Variants in MINDY3 observed in about 807,000 individuals in gnomAD.
MINDY3 encodes the protein ubiquitin carboxyl-terminal hydrolase MINDY-3.
Under a neutral mutation model 69.2 loss-of-function variants are expected in MINDY3, and 38 were observed. The ratio of observed to expected loss-of-function variants is 0.55; its 90% CI spans 0.42 to 0.72. The LOEUF (loss-of-function observed/expected upper bound fraction) is 0.72. MINDY3 is among the 30% of genes least tolerant of loss of function. The pLI is 0.00. For missense variants in MINDY3, 522 were observed against 519.0 expected (o/e 1.01, Z -0.06); for synonymous variants, 192 against 180.1 (o/e 1.07, Z -0.53).
At chr10:15,852,855 G>A (rs1172434905) in intron 1 of MINDY3, among the ~76,000 whole-genome samples, 1 of 152,090 alleles carries the variant, frequency 6.6e-6, no homozygotes, top group Non-Finnish European at 1.5e-5. Flanking sequence ...GGAAAAAAAC[G>A]ATGGTTGGGT....
intron 1 of MINDY3, among the ~76,000 whole-genome samples, chr10:15,859,293 C>T (rs141930652): frequency 3.3e-5 from 5 of 152,214 alleles, no homozygotes; most frequent in African/African-American, 1.2e-4. Flanking sequence ...ATTTCGGGAA[C>T]AGGTGTTCCC....
At chr10:15,846,113 A>G (rs140843182) in intron 2 of MINDY3, among the ~76,000 whole-genome samples, 2,621 of 152,042 alleles carry the variant, frequency 0.017, 59 homozygotes, top group African/African-American at 0.057. Context: ...ATGAGCCACC[A>G]CGCCTGGCCG....
chr10:15,791,049 T>A (rs550353404), intron 11 of MINDY3, among the ~76,000 whole-genome samples: 6 of 152,164 alleles, frequency 3.9e-5, no homozygotes, highest in African/African-American at 1.4e-4. Context: ...TTAAGGTAGC[T>A]ATGAGATTTA....
chr10:15,840,790 G>A (rs1282327951), intron 4 of MINDY3, among the ~76,000 whole-genome samples: 1 of 151,428 alleles, frequency 6.6e-6, no homozygotes, highest in Non-Finnish European at 1.5e-5. Flanking sequence ...CAGCTTTCGG[G>A]TCAATTACAT....
chr10:15,854,456 G>A (rs1834550297), intron 1 of MINDY3, among the ~76,000 whole-genome samples: 1 of 152,068 alleles, frequency 6.6e-6, no homozygotes, highest in Admixed American at 6.6e-5. Flanking sequence ...GTCTCACTAA[G>A]TTTTAAATTT....
intron 10 of MINDY3, among the ~76,000 whole-genome samples, chr10:15,805,596 C>G (rs1459146243): frequency 6.6e-6 from 1 of 152,138 alleles, no homozygotes; most frequent in Non-Finnish European, 1.5e-5. Context: ...TTGTCACTGT[C>G]TGTTGCTAAG....
intron 1 of MINDY3, among the ~76,000 whole-genome samples, chr10:15,854,618 T>C (rs529690245): frequency 1.3e-5 from 2 of 152,116 alleles, no homozygotes; most frequent in African/African-American, 2.4e-5. Flanking sequence ...AGGTGTTATA[T>C]TGAGAGTGAG....
At chr10:15,856,143 A>C (rs537586657) in intron 1 of MINDY3, among the ~76,000 whole-genome samples, 261 of 152,154 alleles carry the variant, frequency 1.7e-3, no homozygotes, top group Non-Finnish European at 3.1e-3. Flanking sequence ...TGGAAGAAAA[A>C]TTAATGATGT....
In MINDY3 at chr10:15,800,663, C is replaced by CA. The variant is rs374233796; in HGVS notation, c.883-4492dup. Among the ~76,000 whole-genome samples, 509 of 152,144 alleles carry CA rather than the reference C, an allele frequency of 3.3e-3. 3 individuals are homozygous for CA. The highest frequency in any genetic ancestry group is 0.012 in the African/African-American group (484 of 41,506). ...GGAAGTTCTCCCAAGAAACCAAAGTCAGGACGTAAGAAAAAGTGGAATTGC... is the reference window on the plus strand; with the variant it reads ...GGAAGTTCTCCCAAGAAACCAAAGTCAAGGACGTAAGAAAAAGTGGAATTGC... On this transcript the variant is annotated intron_variant, in intron 10 of 14. Transcript: ENST00000277632.
At chr10:15,830,446 C>T (rs1355818478) in intron 8 of MINDY3, among the ~76,000 whole-genome samples, 1 of 152,142 alleles carries the variant, frequency 6.6e-6, no homozygotes, top group Non-Finnish European at 1.5e-5. Context: ...TAATAAATGG[C>T]GCAACTGAGA....
chr10:15,856,678 A>G lies in MINDY3; in HGVS notation c.94+3528T>C, dbSNP rs559545256. ...CCATTAATGAGCTGAGAGGCAATAA[A>G]AAGGCCACTCACCCTTTAAAGAAGT... On this transcript the variant is annotated intron_variant, in intron 1 of 14. Transcript: ENST00000277632. Among the ~76,000 whole-genome samples, 10 of 152,290 alleles carry G rather than the reference A, an allele frequency of 6.6e-5. No individual in the cohort carries two copies. The South Asian group carries it at 2.1e-3, about 32-fold the overall frequency.
chr10:15,842,063 C>G (rs952107532), intron 3 of MINDY3, among the ~76,000 whole-genome samples: 4 of 151,772 alleles, frequency 2.6e-5, no homozygotes, highest in African/African-American at 9.6e-5. Flanking sequence ...GATGAGAGAC[C>G]GTCAGCACAT....
chr10:15,818,101 T>C (rs995192680), intron 9 of MINDY3: 1 of 152,134 alleles, frequency 6.6e-6, no homozygotes, highest in African/African-American at 2.4e-5. Context: ...TGCAAGTCCT[T>C]CAATTTATAC....
chr10:15,797,449 C>T (rs1327942316), intron 10 of MINDY3, among the ~76,000 whole-genome samples: 1 of 152,104 alleles, frequency 6.6e-6, no homozygotes, highest in Non-Finnish European at 1.5e-5. Flanking sequence ...AATGTATACG[C>T]CCAAGTGACA....
At position 15,837,333 on chromosome 10, in the gene MINDY3, G is replaced by T. The variant is rs780838769; in HGVS notation, c.462-15C>A. On this transcript the variant is annotated splice_polypyrimidine_tract_variant and intron_variant, in intron 5 of 14. Transcript: ENST00000277632. ...ACGATCTTTTTCTGGGGGAAAAAAA[G>T]AATTAAGTATTGGTATCATGATGAG... The T allele has an allele frequency of 5.1e-5, 79 of 1,537,982 alleles. No homozygotes were observed. In the Middle Eastern group the frequency reaches 1.4e-3, roughly 27 times the overall value.
At chr10:15,843,338 T>C in intron 2 of MINDY3, 66 bp from the exon 3 acceptor site, 2 of 1,318,202 alleles carry the variant, frequency 1.5e-6, no homozygotes, top group Non-Finnish European at 2.2e-6. Context: ...ATTCTTCAAT[T>C]TTAAAGTGGG....
chr10:15,839,563 G>A (rs1302232446), intron 4 of MINDY3, among the ~76,000 whole-genome samples: 3 of 151,650 alleles, frequency 2.0e-5, no homozygotes, highest in Non-Finnish European at 3.0e-5. Context: ...TACTACAAGA[G>A]TAGACATAAA....
intron 14 of MINDY3, 141 bp from the exon 15 acceptor site, chr10:15,779,282 G>T: frequency 1.7e-6 from 1 of 605,390 alleles, no homozygotes; most frequent in Middle Eastern, 2.8e-4. Context: ...TATTTTGCTA[G>T]AAATGAGAAG....
rs1317775011 is a variant in MINDY3, at chr10:15,789,315, AT to A, written c.959del (p.Asn320MetfsTer12). 1.2e-6 allele frequency: 2 copies of A among 1,610,064 alleles called. No homozygotes were observed. The highest frequency in any genetic ancestry group is 2.7e-5 in the African/African-American group (2 of 74,734). ...CCAGAAGTGAATCGGGTATGAATCC[AT>A]TATCTAGGGGGGAAAAAATCAGAAA... ...RVFQTYDPEDNGFIPDSLLED... is the reference protein window; with the variant it reads ...RVFQTYDPEDXGFIPDSLLED... On this transcript the variant is annotated frameshift_variant, in exon 12 of 15. Transcript: ENST00000277632. LOFTEE classifies it high-confidence loss of function.
Sources: gnomAD v4.1 joint callset for allele counts (sites outside exome capture counted in the v4.1 genomes callset) on GRCh38, gnomAD v4.1.1 for gene constraint, MANE v1.5 for transcripts, NCBI Gene and HGNC (gene_info 2026-07-23, HGNC 2026-07-21) for gene names.